The following UTRN variants were observed in gnomAD, a reference collection of about 807,000 sequenced individuals.
The protein encoded by UTRN is utrophin.
UTRN carries 283 observed loss-of-function variants against 463.9 expected under a neutral mutation model. That is an observed-to-expected ratio of 0.61 (90% CI 0.55 to 0.67). The LOEUF (loss-of-function observed/expected upper bound fraction) is 0.67. UTRN is among the 30% of genes least tolerant of loss of function. The pLI, the probability that UTRN is intolerant of heterozygous loss-of-function variation, is 0.00. For missense variants in UTRN, 3,922 were observed against 4,084.3 expected (o/e 0.96, Z 1.08); for synonymous variants, 1,442 against 1,431.5 (o/e 1.01, Z -0.17).
intron 35 of UTRN, among the ~76,000 whole-genome samples, 158 bp from the exon 36 acceptor site, chr6:144,513,751 A>G (rs970287560): frequency 6.6e-6 from 1 of 152,172 alleles, no homozygotes; most frequent in African/African-American, 2.4e-5. Flanking sequence ...TAGGAATAAG[A>G]TGAGTTATTC....
chr6:144,850,961 C>T (rs770794472), intron 74 of UTRN, 28 bp from the exon 75 acceptor site: 4 of 1,613,424 alleles, frequency 2.5e-6, no homozygotes, highest in Non-Finnish European at 3.4e-6. Context: ...GTGCAAATTT[C>T]TGACAGTGCT....
At chr6:144,557,134 A>G in intron 49 of UTRN, 23 bp from the exon 50 acceptor site, 1 of 1,606,888 alleles carries the variant, frequency 6.2e-7, no homozygotes. Context: ...AGTCTAACAA[A>G]CAGACCTGCA....
intron 43 of UTRN, among the ~76,000 whole-genome samples, chr6:144,535,406 A>C (rs542594012): frequency 5.8e-4 from 88 of 152,176 alleles, no homozygotes; most frequent in Non-Finnish European, 1.1e-3. Context: ...TTAAGGAAAA[A>C]CATGTACCTG....
chr6:144,839,911 G>T (rs1015639711), intron 72 of UTRN, among the ~76,000 whole-genome samples: 1 of 152,082 alleles, frequency 6.6e-6, no homozygotes, highest in African/African-American at 2.4e-5. Context: ...TAATTTCTTG[G>T]TGGGATATCT....
intron 19 of UTRN, among the ~76,000 whole-genome samples, chr6:144,455,768 A>C (rs1199197644): frequency 6.6e-6 from 1 of 152,156 alleles, no homozygotes; most frequent in East Asian, 1.9e-4. Flanking sequence ...AAAATGAGGG[A>C]GTTTATTAGC....
At chr6:144,411,194 C>G (rs886605028) in intron 3 of UTRN, among the ~76,000 whole-genome samples, 1 of 152,166 alleles carries the variant, frequency 6.6e-6, no homozygotes, top group Non-Finnish European at 1.5e-5. Context: ...GCAGCGTTCC[C>G]TTTTCACTGC....
intron 2 of UTRN, among the ~76,000 whole-genome samples, chr6:144,294,792 A>G (rs1340872526): frequency 6.6e-6 from 1 of 152,144 alleles, no homozygotes; most frequent in Non-Finnish European, 1.5e-5. Flanking sequence ...TTTGAATATT[A>G]TAATTTTTTA....
At chr6:144,848,950 C>T (rs1782253559) in intron 74 of UTRN, among the ~76,000 whole-genome samples, 1 of 151,898 alleles carries the variant, frequency 6.6e-6, no homozygotes, top group African/African-American at 2.4e-5. Context: ...AGAAGATACC[C>T]CAGAGGCCCC....
intron 59 of UTRN, among the ~76,000 whole-genome samples, chr6:144,772,348 G>A (rs912443821): frequency 1.3e-5 from 2 of 152,000 alleles, no homozygotes; most frequent in Non-Finnish European, 2.9e-5. Flanking sequence ...TGTTAAATAG[G>A]AGCTAATCAC....
chr6:144,394,258 T>C (rs1782195775), intron 2 of UTRN, among the ~76,000 whole-genome samples: 4 of 152,170 alleles, frequency 2.6e-5, no homozygotes. Flanking sequence ...TGCTGGAGAC[T>C]AGGTAATTTA....
intron 74 of UTRN, among the ~76,000 whole-genome samples, chr6:144,849,459 C>G (rs1238484938): frequency 2.0e-5 from 3 of 152,110 alleles, no homozygotes; most frequent in African/African-American, 7.2e-5. Flanking sequence ...TCTCCTCCTA[C>G]TCTGTTTCTA....
At chr6:144,755,430 C>G (rs909338686) in intron 57 of UTRN, among the ~76,000 whole-genome samples, 1 of 152,134 alleles carries the variant, frequency 6.6e-6, no homozygotes, top group African/African-American at 2.4e-5. Flanking sequence ...AGTGAAGATA[C>G]TAAAGAATGT....
intron 2 of UTRN, among the ~76,000 whole-genome samples, chr6:144,313,358 A>C (rs1775064238): frequency 6.6e-6 from 1 of 151,510 alleles, no homozygotes; most frequent in South Asian, 2.1e-4. Flanking sequence ...TGATACTGAA[A>C]AAAAAAAAAA....
chr6:144,736,136 T>G (rs1338238018), intron 54 of UTRN, among the ~76,000 whole-genome samples: 1 of 152,194 alleles, frequency 6.6e-6, no homozygotes, highest in Non-Finnish European at 1.5e-5. Flanking sequence ...TTTTACTTGT[T>G]AAAAATAAAT....
chr6:144,493,857 A>AG (rs1188734329), intron 33 of UTRN, among the ~76,000 whole-genome samples: 1 of 152,064 alleles, frequency 6.6e-6, no homozygotes, highest in Non-Finnish European at 1.5e-5. Flanking sequence ...CCAAAAAAAA[A>AG]TTAGCCATGG....
At chr6:144,427,889 A>G (rs1389741304) in intron 7 of UTRN, among the ~76,000 whole-genome samples, 1 of 152,238 alleles carries the variant, frequency 6.6e-6, no homozygotes, top group Non-Finnish European at 1.5e-5. Flanking sequence ...AGAGGGAGAC[A>G]AGACAATAAT....
At chr6:144,389,045 A>G (rs1267752146) in intron 2 of UTRN, among the ~76,000 whole-genome samples, 1 of 152,182 alleles carries the variant, frequency 6.6e-6, no homozygotes, top group Admixed American at 6.5e-5. Context: ...GGAGGTCCTG[A>G]TGATATGTTC....
intron 74 of UTRN, among the ~76,000 whole-genome samples, chr6:144,847,467 G>A (rs972829803): frequency 8.5e-5 from 13 of 152,200 alleles, no homozygotes; most frequent in Admixed American, 7.9e-4. Flanking sequence ...TCACAGAAAC[G>A]AAAGAGCAGG....
chr6:144,746,774 G>C (rs1354433883), intron 54 of UTRN, among the ~76,000 whole-genome samples: 3 of 152,150 alleles, frequency 2.0e-5, no homozygotes, highest in Non-Finnish European at 2.9e-5. Context: ...GCCACACCTG[G>C]CCTCTAATTC....
Sources: allele counts gnomAD v4.1 joint callset (sites outside exome capture counted in the v4.1 genomes callset), GRCh38; gene constraint gnomAD v4.1.1; transcripts MANE v1.5; gene names NCBI Gene and HGNC (gene_info 2026-07-23, HGNC 2026-07-21).